Variants in MYO3B observed in about 807,000 individuals in gnomAD.
MYO3B encodes the protein myosin-IIIb.
MYO3B carries 156 observed loss-of-function variants against 174.6 expected under a neutral mutation model. That is an observed-to-expected ratio of 0.89 (90% CI 0.78 to 1.02). The LOEUF (loss-of-function observed/expected upper bound fraction) is 1.02. Ranked by LOEUF, MYO3B falls within the 50% of genes least tolerant of loss-of-function variation. MYO3B has a pLI of 0.00. For missense variants in MYO3B, 1,632 were observed against 1,639.4 expected (o/e 1.00, Z 0.08); for synonymous variants, 563 against 569.1 (o/e 0.99, Z 0.15).
At chr2:170,490,036 T>C (rs1170209226) in intron 25 of MYO3B, among the ~76,000 whole-genome samples, 3 of 150,650 alleles carry the variant, frequency 2.0e-5, no homozygotes, top group East Asian at 1.9e-4. Flanking sequence ...TTCTTTCTTT[T>C]TTTTTTTTTT....
chr2:170,422,964 T>C (rs1440477792), intron 22 of MYO3B, among the ~76,000 whole-genome samples: 2 of 139,814 alleles, frequency 1.4e-5, no homozygotes, highest in Admixed American at 1.6e-4. Flanking sequence ...AGACCAACCA[T>C]ATTTCTTTCT....
intron 3 of MYO3B, among the ~76,000 whole-genome samples, chr2:170,202,185 C>G (rs777966352): frequency 3.9e-5 from 6 of 152,200 alleles, no homozygotes; most frequent in Non-Finnish European, 8.8e-5. Context: ...CAGGTGCTCC[C>G]TTGCCACCTG....
At chr2:170,286,799 T>G (rs532677651) in intron 7 of MYO3B, among the ~76,000 whole-genome samples, 18 of 152,276 alleles carry the variant, frequency 1.2e-4, no homozygotes, top group Admixed American at 8.5e-4. Context: ...ACATAAAATG[T>G]ATCATCTTTA....
chr2:170,613,251 C>T (rs1695230526), intron 32 of MYO3B, among the ~76,000 whole-genome samples: 1 of 152,210 alleles, frequency 6.6e-6, no homozygotes, highest in South Asian at 2.1e-4. Context: ...GTGCTGAACA[C>T]AATTCAGCCT....
At chr2:170,598,434 T>A (rs1694284776) in intron 32 of MYO3B, among the ~76,000 whole-genome samples, 1 of 152,230 alleles carries the variant, frequency 6.6e-6, no homozygotes. Flanking sequence ...ACGATTAGAA[T>A]GATTAGAAGG....
chr2:170,213,422 C>T (rs548260696), intron 3 of MYO3B, among the ~76,000 whole-genome samples: 3 of 152,168 alleles, frequency 2.0e-5, no homozygotes, highest in South Asian at 4.1e-4. Context: ...CAGAACAGAC[C>T]GGGAAGTTTC....
chr2:170,279,601 T>G (rs1164491114), intron 7 of MYO3B, among the ~76,000 whole-genome samples: 1 of 152,084 alleles, frequency 6.6e-6, no homozygotes, highest in Non-Finnish European at 1.5e-5. Flanking sequence ...TCTTTTCTGC[T>G]TCTCTCCCTC....
At chr2:170,197,116 G>A (rs1352425506) in intron 1 of MYO3B, among the ~76,000 whole-genome samples, 1 of 151,730 alleles carries the variant, frequency 6.6e-6, no homozygotes, top group Non-Finnish European at 1.5e-5. Context: ...CAAGAGGACA[G>A]CTTCAACTCC....
intron 32 of MYO3B, among the ~76,000 whole-genome samples, chr2:170,649,593 G>C (rs187462148): frequency 6.7e-6 from 1 of 149,908 alleles, no homozygotes; most frequent in Non-Finnish European, 1.5e-5. Context: ...TTAGGAGGCC[G>C]AGGAGGGCAG....
At chr2:170,651,228 G>A (rs1698990490) in intron 32 of MYO3B, among the ~76,000 whole-genome samples, 4 of 152,158 alleles carry the variant, frequency 2.6e-5, no homozygotes, top group Non-Finnish European at 4.4e-5. Flanking sequence ...GTGTGCTCCA[G>A]ATGTTTTTGA....
intron 22 of MYO3B, among the ~76,000 whole-genome samples, chr2:170,439,589 A>G (rs2094784152): frequency 1.3e-5 from 2 of 152,140 alleles, no homozygotes; most frequent in African/African-American, 2.4e-5. Context: ...ATTTGCTTTT[A>G]TAGCCCATGT....
At chr2:170,565,154 G>T (rs968089120) in intron 32 of MYO3B, among the ~76,000 whole-genome samples, 9 of 152,032 alleles carry the variant, frequency 5.9e-5, no homozygotes, top group African/African-American at 2.2e-4. Flanking sequence ...TATCAAACAG[G>T]CGAGGATTGA....
chr2:170,436,140 G>A (rs1207774717), intron 22 of MYO3B, among the ~76,000 whole-genome samples: 1 of 152,124 alleles, frequency 6.6e-6, no homozygotes. Context: ...TCCATTAGAT[G>A]CCTCTGACTT....
chr2:170,186,097 C>G (rs2092459192), intron 1 of MYO3B, among the ~76,000 whole-genome samples: 1 of 152,142 alleles, frequency 6.6e-6, no homozygotes, highest in Admixed American at 6.6e-5. Flanking sequence ...TTGACTTCTT[C>G]CTTTCCAATT....
chr2:170,449,075 A>G (rs1401547355), intron 23 of MYO3B, among the ~76,000 whole-genome samples: 2 of 152,144 alleles, frequency 1.3e-5, no homozygotes, highest in Non-Finnish European at 2.9e-5. Context: ...AGTTGAGTGA[A>G]TTTTCCTCCT....
At chr2:170,547,047 T>C (rs1447201302) in intron 32 of MYO3B, among the ~76,000 whole-genome samples, 1 of 151,396 alleles carries the variant, frequency 6.6e-6, no homozygotes, top group African/African-American at 2.4e-5. Flanking sequence ...TGGCACGGCG[T>C]GGTGGCTCAC....
At chr2:170,457,857 C>T (rs1170132718) in intron 23 of MYO3B, among the ~76,000 whole-genome samples, 3 of 152,128 alleles carry the variant, frequency 2.0e-5, no homozygotes, top group Non-Finnish European at 4.4e-5. Flanking sequence ...CGGGTTCAAG[C>T]AATTATCCTC....
chr2:170,465,720 G>A (rs370660756), intron 24 of MYO3B, among the ~76,000 whole-genome samples: 1 of 152,148 alleles, frequency 6.6e-6, no homozygotes, highest in Non-Finnish European at 1.5e-5. Context: ...CAAAATACCC[G>A]TTCACGAGTG....
chr2:170,362,387 C>T (rs1264655513), intron 8 of MYO3B, among the ~76,000 whole-genome samples: 2 of 152,176 alleles, frequency 1.3e-5, no homozygotes, highest in Admixed American at 6.5e-5. Context: ...ACAGCTTTGT[C>T]TAAAGATCAG....
Sources: gnomAD v4.1 joint callset for allele counts (sites outside exome capture counted in the v4.1 genomes callset) on GRCh38, gnomAD v4.1.1 for gene constraint, MANE v1.5 for transcripts, NCBI Gene and HGNC (gene_info 2026-07-23, HGNC 2026-07-21) for gene names.